The following NKAIN2 variants were observed in gnomAD, a reference collection of about 807,000 sequenced individuals.
The protein encoded by NKAIN2 is sodium/potassium-transporting ATPase subunit beta-1-interacting protein 2.
Under a neutral mutation model 32.6 loss-of-function variants are expected in NKAIN2, and 14 were observed. The ratio of observed to expected loss-of-function variants is 0.43; its 90% CI spans 0.28 to 0.67. NKAIN2 has a LOEUF of 0.67. NKAIN2 is among the 30% of genes least tolerant of loss of function. NKAIN2 has a pLI of 0.17. For missense variants in NKAIN2, 198 were observed against 258.3 expected (o/e 0.77, Z 1.60); for synonymous variants, 80 against 87.2 (o/e 0.92, Z 0.46).
At chr6:124,712,281 G>A (rs1223382501) in intron 4 of NKAIN2, among the ~76,000 whole-genome samples, 1 of 130,270 alleles carries the variant, frequency 7.7e-6, no homozygotes, top group Non-Finnish European at 1.6e-5. Flanking sequence ...GTTTGTCTGT[G>A]CCCTGCCCCC....
chr6:123,912,214 C>T (rs867319672), intron 1 of NKAIN2, among the ~76,000 whole-genome samples: 16 of 151,782 alleles, frequency 1.1e-4, no homozygotes, highest in African/African-American at 2.7e-4. Context: ...TATTCTTGAA[C>T]GAAATATATG....
chr6:124,266,517 G>A (rs2114860854), intron 1 of NKAIN2, among the ~76,000 whole-genome samples: 1 of 152,140 alleles, frequency 6.6e-6, no homozygotes. Context: ...GAGCTCTAGT[G>A]ATTCACCCAC....
intron 3 of NKAIN2, among the ~76,000 whole-genome samples, chr6:124,462,786 C>T (rs2114651162): frequency 6.6e-6 from 1 of 152,136 alleles, no homozygotes. Context: ...CGATGTATAT[C>T]TCTATTGAGT....
intron 3 of NKAIN2, among the ~76,000 whole-genome samples, chr6:124,467,325 A>G (rs1407705590): frequency 2.6e-5 from 4 of 152,172 alleles, no homozygotes; most frequent in African/African-American, 7.2e-5. Context: ...AGTTTGATGC[A>G]TGTAAGACTG....
chr6:124,276,471 A>T (rs1323333759), intron 1 of NKAIN2, among the ~76,000 whole-genome samples: 1 of 152,030 alleles, frequency 6.6e-6, no homozygotes, highest in South Asian at 2.1e-4. Context: ...ATCATTGCAG[A>T]CTCAACTTCA....
chr6:124,518,988 A>C (rs1196561909), intron 3 of NKAIN2, among the ~76,000 whole-genome samples: 2 of 152,196 alleles, frequency 1.3e-5, no homozygotes, highest in African/African-American at 2.4e-5. Flanking sequence ...TCTTTCTGGA[A>C]TAAGAAGTAC....
At chr6:124,765,078 C>A (rs1047832640) in intron 4 of NKAIN2, among the ~76,000 whole-genome samples, 3 of 152,118 alleles carry the variant, frequency 2.0e-5, no homozygotes, top group South Asian at 2.1e-4. Flanking sequence ...ATATCTAAGA[C>A]CCTCAGATGG....
At chr6:124,457,330 A>G (rs990432011) in intron 3 of NKAIN2, among the ~76,000 whole-genome samples, 1 of 151,978 alleles carries the variant, frequency 6.6e-6, no homozygotes, top group Non-Finnish European at 1.5e-5. Flanking sequence ...AAGAAAATAG[A>G]AGTGAAATAC....
At chr6:123,987,944 A>C (rs1779219642) in intron 1 of NKAIN2, among the ~76,000 whole-genome samples, 1 of 152,208 alleles carries the variant, frequency 6.6e-6, no homozygotes, top group South Asian at 2.1e-4. Context: ...GGTGTGGGTC[A>C]TTGGGATGAT....
chr6:124,563,131 C>G (rs895209537), intron 3 of NKAIN2, among the ~76,000 whole-genome samples: 12 of 151,062 alleles, frequency 7.9e-5, no homozygotes, highest in Non-Finnish European at 1.5e-4. Flanking sequence ...GTCTCAAACT[C>G]CTGACCTTGT....
intron 1 of NKAIN2, among the ~76,000 whole-genome samples, chr6:123,949,688 G>T (rs1420739891): frequency 6.6e-6 from 1 of 151,902 alleles, no homozygotes; most frequent in Non-Finnish European, 1.5e-5. Context: ...ATCGGTTTAA[G>T]ATTTTTTTGG....
At chr6:124,795,583 G>A (rs117796207) in intron 5 of NKAIN2, among the ~76,000 whole-genome samples, 5 of 152,170 alleles carry the variant, frequency 3.3e-5, no homozygotes, top group Non-Finnish European at 7.4e-5. Context: ...TTCCTTTGGG[G>A]TACTATAGCA....
At chr6:124,420,970 A>T (rs1263521398) in intron 3 of NKAIN2, among the ~76,000 whole-genome samples, 1 of 151,726 alleles carries the variant, frequency 6.6e-6, no homozygotes, top group East Asian at 1.9e-4. Context: ...TGCATACGTG[A>T]TATAAAATGC....
chr6:124,814,233 C>T (rs954333033), intron 5 of NKAIN2, among the ~76,000 whole-genome samples: 7 of 152,134 alleles, frequency 4.6e-5, no homozygotes, highest in South Asian at 2.1e-4. Flanking sequence ...TATTCTTCTC[C>T]CTGAGGTCTT....
At chr6:124,166,819 G>A (rs1430298098) in intron 1 of NKAIN2, among the ~76,000 whole-genome samples, 8 of 147,784 alleles carry the variant, frequency 5.4e-5, no homozygotes, top group African/African-American at 2.0e-4. Context: ...TCAAAGATCA[G>A]ATAGTTGTAG....
chr6:124,162,574 T>C (rs912276490), intron 1 of NKAIN2, among the ~76,000 whole-genome samples: 2 of 152,118 alleles, frequency 1.3e-5, no homozygotes, highest in Non-Finnish European at 2.9e-5. Flanking sequence ...GGCTTTATAG[T>C]TCCAGAATGT....
intron 1 of NKAIN2, among the ~76,000 whole-genome samples, chr6:124,069,688 G>A (rs984117123): frequency 5.9e-5 from 9 of 151,874 alleles, no homozygotes; most frequent in African/African-American, 2.2e-4. Context: ...AAGTGTAGAT[G>A]AATGAATGAG....
At chr6:124,013,576 A>G (rs9398748) in intron 1 of NKAIN2, among the ~76,000 whole-genome samples, 13,300 of 152,246 alleles carry the variant, frequency 0.087, 876 homozygotes, top group East Asian at 0.18. Flanking sequence ...ATAGGCAGTC[A>G]TGATAATCTG....
intron 1 of NKAIN2, among the ~76,000 whole-genome samples, chr6:124,009,225 T>C (rs981785574): frequency 3.3e-5 from 5 of 152,276 alleles, no homozygotes; most frequent in African/African-American, 1.2e-4. Flanking sequence ...GGTCTCTCTC[T>C]GTCTGTCTCT....
Sources: gnomAD v4.1 joint callset for allele counts (sites outside exome capture counted in the v4.1 genomes callset) on GRCh38, gnomAD v4.1.1 for gene constraint, MANE v1.5 for transcripts, NCBI Gene and HGNC (gene_info 2026-07-23, HGNC 2026-07-21) for gene names.